Variants in ZMYM5 observed in about 807,000 individuals in gnomAD.
ZMYM5 encodes zinc finger MYM-type containing 5, also known as zinc finger MYM-type protein 5.
In ZMYM5, 41 loss-of-function variants were observed where a neutral mutation model predicts 61.8. That is an observed-to-expected ratio of 0.66 (90% confidence interval 0.52 to 0.86). The LOEUF is 0.86. Ranked by LOEUF, ZMYM5 falls within the 40% of genes least tolerant of loss-of-function variation. The pLI is 0.00. For synonymous variants in ZMYM5, 257 were observed against 276.4 expected (o/e 0.93, Z 0.70); for missense variants, 706 against 786.7 (o/e 0.90, Z 1.23).
chr13:19,849,976 CAAA>C (rs566519438), intron 4 of ZMYM5, among the ~76,000 whole-genome samples: 2 of 128,352 alleles, frequency 1.6e-5, no homozygotes, highest in Non-Finnish European at 1.7e-5. Context: ...GACTCTGTCT[CAAA>C]AAAAAAAAAG....
chr13:19,828,693 G>T (rs9506387), intron 7 of ZMYM5, among the ~76,000 whole-genome samples: 9,533 of 152,130 alleles, frequency 0.063, 448 homozygotes, highest in Non-Finnish European at 0.098. Context: ...AGTAGAGATA[G>T]GAGTTGAGAA....
intron 7 of ZMYM5, among the ~76,000 whole-genome samples, chr13:19,827,885 G>A (rs2138480250): frequency 6.6e-6 from 1 of 151,976 alleles, no homozygotes; most frequent in Admixed American, 6.6e-5. Flanking sequence ...CAGGCGTAGT[G>A]GTGGGCGCCT....
At chr13:19,832,875 T>G (rs1286182893) in intron 7 of ZMYM5, among the ~76,000 whole-genome samples, 2 of 140,772 alleles carry the variant, frequency 1.4e-5, no homozygotes, top group East Asian at 4.1e-4. Flanking sequence ...GAACTACGAG[T>G]GTACAACCAC....
At position 19,851,727 on chromosome 13, in the gene ZMYM5, C is replaced by A. The variant is rs144870613; in HGVS notation, c.454G>T (p.Asp152Tyr). 8 of 1,582,412 alleles carry A rather than the reference C, an allele frequency of 5.1e-6. No homozygotes were observed. Among genetic ancestry groups the A allele is most frequent in the Non-Finnish European group, 6.8e-6 (8 of 1,170,822 alleles). The change falls in exon 3 of 8, where the codon GAT becomes TAT. Residue 152 changes from aspartate to tyrosine, a missense_variant. By Grantham distance (160) the Asp-to-Tyr change is radical. Around this residue, in one of 2 missense-constraint regions of ZMYM5, gnomAD observed 480 missense variants for 461.7 expected, o/e 1.04. Transcript: ENST00000337963. ...GLPGTKNKTN[D>Y]LDFSTSSLSR... ...AGACTGGAAGTGGAGAAATCCAAAT[C>A]GTTGGTTTTGTTTTTAGTTCCAGGA...
chr13:19,835,073 C>T (rs780860170), intron 7 of ZMYM5, among the ~76,000 whole-genome samples: 1 of 151,612 alleles, frequency 6.6e-6, no homozygotes, highest in East Asian at 1.9e-4. Flanking sequence ...TCACTGTAGC[C>T]TCAATCTCCC....
intron 7 of ZMYM5, among the ~76,000 whole-genome samples, 153 bp downstream of exon 7, chr13:19,835,324 C>T (rs1952641347): frequency 6.6e-6 from 1 of 152,060 alleles, no homozygotes; most frequent in Non-Finnish European, 1.5e-5. Context: ...AAGCTTACAA[C>T]AATCTTAGAC....
intron 2 of ZMYM5, among the ~76,000 whole-genome samples, chr13:19,860,101 CAAA>C (rs537760988): frequency 6.4e-5 from 2 of 31,330 alleles, no homozygotes; most frequent in Non-Finnish European, 6.2e-5. Flanking sequence ...AAGACTGTCT[CAAA>C]AAAAAAAAAA....
At chr13:19,859,329 C>A (rs1953635927) in intron 2 of ZMYM5, among the ~76,000 whole-genome samples, 1 of 152,178 alleles carries the variant, frequency 6.6e-6, no homozygotes, top group Non-Finnish European at 1.5e-5. Flanking sequence ...CAGAAGATCA[C>A]CCGCAAGCTT....
chr13:19,839,635 C>CA (rs1223493734), intron 4 of ZMYM5, among the ~76,000 whole-genome samples: 1 of 152,248 alleles, frequency 6.6e-6, no homozygotes, highest in East Asian at 1.9e-4. Context: ...CTCAGCCTCC[C>CA]AAAGTGCTGG....
At position 19,854,638 on chromosome 13, in the gene ZMYM5, A is replaced by AC. The variant is rs1164395301; in HGVS notation, c.-10-2449_-10-2448insG. 2.3e-3 allele frequency among the ~76,000 whole-genome samples: 346 copies of AC among 151,802 alleles called. 1 individual carries two copies. The highest frequency in any genetic ancestry group is 8.0e-3 in the African/African-American group (332 of 41,412). On this transcript the variant is annotated intron_variant, in intron 2 of 7. Transcript: ENST00000337963. Reference sequence around the variant, plus strand: ...ATAAGACTTCGTCTCAAAAAAAAAAAAAAAAAACCTCAATGTAATCTATAA... The same window carrying AC: ...ATAAGACTTCGTCTCAAAAAAAAAAACAAAAAAACCTCAATGTAATCTATAA...
At chr13:19,856,450 GACC>G (rs1420894142) in intron 2 of ZMYM5, among the ~76,000 whole-genome samples, 2 of 151,860 alleles carry the variant, frequency 1.3e-5, no homozygotes, top group African/African-American at 2.4e-5. Context: ...AGACCAGCCT[GACC>G]AACATGGAGA....
Position 19,839,033 on chromosome 13 carries a change from A to G in ZMYM5, c.587-48T>C, listed in dbSNP as rs372291087. The G allele has an allele frequency of 8.6e-4, 1,357 of 1,576,666 alleles. 1 individual carries two copies. Among genetic ancestry groups the G allele is most frequent in the Non-Finnish European group, 1.0e-3 (1,218 of 1,164,442 alleles). On this transcript the variant is annotated intron_variant, in intron 4 of 7. Transcript: ENST00000337963. ...AATCATGGAACAAATCAAAATGTAC[A>G]TCAGAAAAATAACTTGCATTTTCAT...
chr13:19,841,660 A>G (rs1319045630), intron 4 of ZMYM5, among the ~76,000 whole-genome samples: 1 of 151,956 alleles, frequency 6.6e-6, no homozygotes, highest in East Asian at 1.9e-4. Context: ...AAGATGTAAG[A>G]GCAAATTCTA....
chr13:19,855,650 A>T (rs1204528913), intron 2 of ZMYM5, among the ~76,000 whole-genome samples: 1 of 152,070 alleles, frequency 6.6e-6, no homozygotes, highest in African/African-American at 2.4e-5. Context: ...AGTTCACTGC[A>T]GTCATCTACC....
chr13:19,842,163 G>A (rs1380034703), intron 4 of ZMYM5, among the ~76,000 whole-genome samples: 2 of 152,150 alleles, frequency 1.3e-5, no homozygotes, highest in Non-Finnish European at 2.9e-5. Context: ...ACTTTATGAA[G>A]AGCCAGTTGT....
intron 7 of ZMYM5, among the ~76,000 whole-genome samples, chr13:19,828,512 T>C (rs1190808771): frequency 1.3e-5 from 2 of 152,010 alleles, no homozygotes; most frequent in Non-Finnish European, 2.9e-5. Flanking sequence ...TATGATCCAA[T>C]AAATAAATGC....
At chr13:19,846,074 A>G (rs1424154207) in intron 4 of ZMYM5, among the ~76,000 whole-genome samples, 2 of 152,218 alleles carry the variant, frequency 1.3e-5, no homozygotes, top group East Asian at 3.8e-4. Context: ...TTATGAATAT[A>G]ACAAAGATAC....
At chr13:19,831,462 G>A (rs1207378694) in intron 7 of ZMYM5, among the ~76,000 whole-genome samples, 1 of 151,786 alleles carries the variant, frequency 6.6e-6, no homozygotes, top group Non-Finnish European at 1.5e-5. Context: ...ATGGTAGAAT[G>A]AGCACTTTAT....
At chr13:19,836,998 T>C (rs1327944840) in intron 6 of ZMYM5, among the ~76,000 whole-genome samples, 1 of 151,772 alleles carries the variant, frequency 6.6e-6, no homozygotes, top group Non-Finnish European at 1.5e-5. Flanking sequence ...CATGTGCAGG[T>C]TTGTTAGATG....
Sources: allele counts gnomAD v4.1 joint callset (sites outside exome capture counted in the v4.1 genomes callset), GRCh38; gene constraint gnomAD v4.1.1; regional missense constraint gnomAD v4.1.1; transcripts MANE v1.5; gene names NCBI Gene and HGNC (gene_info 2026-07-23, HGNC 2026-07-21).